The following PBRM1 variants were observed in gnomAD, a reference collection of about 807,000 sequenced individuals.
The protein encoded by PBRM1 is polybromo 1.
PBRM1 carries 27 observed loss-of-function variants against 194.5 expected under a neutral mutation model. The ratio of observed to expected loss-of-function variants is 0.14; its 90% CI spans 0.10 to 0.19. The LOEUF is 0.19. Among genes scored for constraint, PBRM1 ranks in the 10% least tolerant of loss-of-function variants. The pLI is 1.00. For missense variants in PBRM1, 1,466 were observed against 2,077.2 expected (o/e 0.71, Z 5.72); for synonymous variants, 655 against 693.2 (o/e 0.94, Z 0.87).
chr3:52,580,771 A>G (rs562967515), intron 20 of PBRM1, among the ~76,000 whole-genome samples: 1 of 152,332 alleles, frequency 6.6e-6, no homozygotes, highest in East Asian at 1.9e-4. Flanking sequence ...TTGTGAAATG[A>G]AGATAATGAT....
rs530495892 is a variant in PBRM1 at position 52,600,510 on chromosome 3, T to C, written c.2779+3011A>G. ...TTCAATAAATTCTTCAGTTCCAGAA[T>C]TTTTTAGTTCTTTTTCATGATGTCT... is the stretch of plus-strand genomic sequence containing the variant. On this transcript the variant is annotated intron_variant, in intron 17 of 29. Coordinates refer to ENST00000296302, the Ensembl canonical transcript of PBRM1. 3.3e-5 allele frequency among the ~76,000 whole-genome samples: 5 copies of C among 152,346 alleles called. No individual in the cohort carries two copies. The South Asian group carries it at 1.0e-3, about 32-fold the overall frequency.
chr3:52,668,783 T>TAAAAAAAAA (rs143631943), intron 2 of PBRM1, 138 bp from the exon 4 acceptor site: 1 of 204,932 alleles, frequency 4.9e-6, no homozygotes, highest in Non-Finnish European at 9.0e-6. Flanking sequence ...GAAGCTTACT[T>TAAAAAAAAA]AAAAAAAAAA....
At chr3:52,680,543 CTGAA>C (rs2097186149), upstream of PBRM1, among the ~76,000 whole-genome samples, 1 of 152,214 alleles carries the variant, frequency 6.6e-6, no homozygotes, top group Non-Finnish European at 1.5e-5. Flanking sequence ...AATGCAACCA[CTGAA>C]TGATCTGCTA....
At chr3:52,632,850 C>T (rs13069481) in intron 11 of PBRM1, among the ~76,000 whole-genome samples, 51,463 of 151,814 alleles carry the variant, frequency 0.34, 9,840 homozygotes, top group Admixed American at 0.46. Flanking sequence ...CCTGCCACTA[C>T]GCCTGGCTAA....
chr3:52,681,511 T>A (rs1379882588), upstream of PBRM1, among the ~76,000 whole-genome samples: 1 of 152,208 alleles, frequency 6.6e-6, no homozygotes, highest in Non-Finnish European at 1.5e-5. Context: ...TCAACAGGAC[T>A]CAATTCATTA....
Position 52,639,734 on chromosome 3 carries a change from A to AT in PBRM1, c.1087+2219dup, listed in dbSNP as rs59775901. Among the ~76,000 whole-genome samples the AT allele has an allele frequency of 4.4e-3, 619 of 141,250 alleles. 11 individuals are homozygous for AT. In the South Asian group the frequency reaches 0.057, roughly 13 times the overall value. The allele number at this position is 141,250 out of a possible 152,430, so 92.7% of individuals were successfully genotyped here. On this transcript the variant is annotated intron_variant, in intron 10 of 29. Coordinates refer to ENST00000296302, the Ensembl canonical transcript of PBRM1. ...GACAGAGGGAGACCCTGCCTTAAAAATTTTTTTTTTTTTTTTTGTAGAGGC... is the reference window on the plus strand; with the variant it reads ...GACAGAGGGAGACCCTGCCTTAAAAATTTTTTTTTTTTTTTTTTGTAGAGGC...
intron 2 of PBRM1, among the ~76,000 whole-genome samples, chr3:52,677,036 T>A (rs902232316): frequency 6.6e-6 from 1 of 152,152 alleles, no homozygotes; most frequent in African/African-American, 2.4e-5. Flanking sequence ...TTCAGTTTTA[T>A]AAGGGAAGCA....
intron 5 of PBRM1, 88 bp from the exon 7 acceptor site, chr3:52,651,898 AAAC>A: frequency 1.2e-6 from 1 of 831,132 alleles, no homozygotes; most frequent in African/African-American, 1.7e-5. Context: ...TCTGTTGTTC[AAAC>A]AACCAGTGAA....
At chr3:52,674,842 A>C (rs1390083214) in intron 2 of PBRM1, among the ~76,000 whole-genome samples, 1 of 151,338 alleles carries the variant, frequency 6.6e-6, no homozygotes, top group Non-Finnish European at 1.5e-5. Flanking sequence ...TATATATAAC[A>C]TATATATTAG....
At chr3:52,682,372 G>GT (rs1183591047), upstream of PBRM1, 1 of 123,566 alleles carries the variant, frequency 8.1e-6, no homozygotes, top group Non-Finnish European at 1.8e-5. Flanking sequence ...ATTTGACAAG[G>GT]TTAAAAAAAA....
intron 14 of PBRM1, among the ~76,000 whole-genome samples, chr3:52,616,490 A>G (rs2153478427): frequency 6.6e-6 from 1 of 152,258 alleles, no homozygotes; most frequent in East Asian, 1.9e-4. Context: ...TCAGGAGATC[A>G]AGACCATCCT....
intron 7 of PBRM1, among the ~76,000 whole-genome samples, chr3:52,645,685 G>A (rs752568055): frequency 6.6e-6 from 1 of 151,804 alleles, no homozygotes; most frequent in African/African-American, 2.4e-5. Flanking sequence ...GCTGATAACC[G>A]AGATGGCTAC....
intron 25 of PBRM1, among the ~76,000 whole-genome samples, chr3:52,561,264 T>C (rs2083449800): frequency 6.6e-6 from 1 of 152,112 alleles, no homozygotes; most frequent in African/African-American, 2.4e-5. Flanking sequence ...CCAAATACCT[T>C]AGAAGTAGCT....
intron 4 of PBRM1, among the ~76,000 whole-genome samples, chr3:52,659,480 G>T (rs2096673770): frequency 6.6e-6 from 1 of 152,086 alleles, no homozygotes. Flanking sequence ...GGAGTGAAGT[G>T]GTGTGACCAT....
At chr3:52,587,234 C>T (rs565473284) in intron 19 of PBRM1, 119 bp downstream of exon 21, 48 of 794,786 alleles carry the variant, frequency 6.0e-5, no homozygotes, top group East Asian at 2.0e-4. Context: ...TATATAGACA[C>T]GGCTTAAAAA....
intron 4 of PBRM1, among the ~76,000 whole-genome samples, chr3:52,661,881 G>C (rs2096732904): frequency 6.6e-6 from 1 of 152,094 alleles, no homozygotes; most frequent in Non-Finnish European, 1.5e-5. Context: ...CTTTAAAACT[G>C]AGCAGGAAAT....
intron 20 of PBRM1, among the ~76,000 whole-genome samples, chr3:52,581,698 C>T (rs1300886323): frequency 2.7e-5 from 4 of 150,674 alleles, no homozygotes; most frequent in African/African-American, 7.3e-5. Flanking sequence ...AGTGCAGTGG[C>T]GCAATCCCGG....
intron 7 of PBRM1, 25 bp from the exon 9 acceptor site, chr3:52,644,814 TA>T: frequency 2.6e-6 from 3 of 1,154,964 alleles, no homozygotes; most frequent in Admixed American, 1.8e-5. Context: ...TTACTTGGTT[TA>T]AAAAAGGAAC....
At chr3:52,551,768 G>GTTT in intron 27 of PBRM1, 1 of 152,266 alleles carries the variant, frequency 6.6e-6, no homozygotes, top group East Asian at 1.9e-4. Context: ...ATCGAGAGGA[G>GTTT]GTATAACTTC....
Sources: gnomAD v4.1 joint callset for allele counts (sites outside exome capture counted in the v4.1 genomes callset) on GRCh38, gnomAD v4.1.1 for gene constraint, MANE v1.5 for transcripts, NCBI Gene and HGNC (gene_info 2026-07-23, HGNC 2026-07-21) for gene names.